The following DNAJC24 variants were observed in gnomAD, a reference collection of about 807,000 sequenced individuals.
DNAJC24 encodes the protein DnaJ heat shock protein family (Hsp40) member C24, also known as dnaJ homolog subfamily C member 24.
A neutral mutation model predicts 18.0 loss-of-function variants in DNAJC24; 17 were observed. The observed-to-expected ratio is 0.94, with a 90% CI of 0.65 to 1.42. DNAJC24 has a LOEUF of 1.42. Among genes scored for constraint, DNAJC24 ranks in the 40% most tolerant of loss-of-function variants. The pLI is 0.00. For synonymous variants in DNAJC24, 55 were observed against 57.7 expected (o/e 0.95, Z 0.21); for missense variants, 158 against 175.6 (o/e 0.90, Z 0.57).
At chr11:31,428,369 A>G (rs899369116) in intron 4 of DNAJC24, among the ~76,000 whole-genome samples, 1 of 152,220 alleles carries the variant, frequency 6.6e-6, no homozygotes, top group African/African-American at 2.4e-5. Context: ...CAAGAGCTAC[A>G]TGAAACCATT....
chr11:31,420,505 C>G (rs1443811272), intron 3 of DNAJC24, among the ~76,000 whole-genome samples: 2 of 152,048 alleles, frequency 1.3e-5, no homozygotes, highest in African/African-American at 4.8e-5. Context: ...AGGTATTTTT[C>G]TCCTACTAAT....
chr11:31,381,233 G>C (rs1300203369), intron 2 of DNAJC24, among the ~76,000 whole-genome samples: 2 of 151,964 alleles, frequency 1.3e-5, no homozygotes, highest in African/African-American at 4.8e-5. Flanking sequence ...TACTGGTTAA[G>C]GTTATTTGTG....
rs548013534 is a variant in DNAJC24, at chr11:31,374,923, G to GT, written c.111+4071dup. 6.0e-5 allele frequency among the ~76,000 whole-genome samples: 8 copies of GT among 134,300 alleles called. 2 individuals carry two copies. In the South Asian group the frequency reaches 1.0e-3, roughly 17 times the overall value. The allele number at this position is 134,300 out of a possible 152,430, so 88.1% of individuals were successfully genotyped here. A position where few individuals can be genotyped will look rare whatever the true frequency, so the allele number is the denominator to read the frequency against. ...TCTTTTCTCTCCTGTTCTTTTGCCT[G>GT]TTTTTTTCTCTTCTCTCCTGTTTGT... On this transcript the variant is annotated intron_variant, in intron 2 of 4. Coordinates refer to ENST00000465995, the MANE Select transcript of DNAJC24 (RefSeq NM_181706.5).
At chr11:31,382,709 G>A (rs1248286884) in intron 2 of DNAJC24, among the ~76,000 whole-genome samples, 2 of 152,160 alleles carry the variant, frequency 1.3e-5, no homozygotes, top group Non-Finnish European at 2.9e-5. Context: ...GTAGGATTGT[G>A]CATGGTTTTC....
chr11:31,430,497 C>A lies in DNAJC24; in HGVS notation c.*96C>A. On this transcript the variant is annotated 3_prime_UTR_variant, in exon 5 of 5. Coordinates refer to ENST00000465995, the MANE Select transcript of DNAJC24 (RefSeq NM_181706.5). ...TTCAAGGAAATGGATTATTTGTCAG[C>A]CCGATTATTTGCAAAGAAAATATAC... is the stretch of plus-strand genomic sequence containing the variant. The A allele has an allele frequency of 1.8e-6, 2 of 1,122,486 alleles. No individual in the cohort carries two copies. The highest frequency in any genetic ancestry group is 2.4e-6 in the Non-Finnish European group (2 of 830,958). 69.5% of individuals were successfully genotyped at this position (1,122,486 alleles called of 1,614,324 possible). A position where few individuals can be genotyped will look rare whatever the true frequency, so the allele number is the denominator to read the frequency against.
intron 2 of DNAJC24, chr11:31,407,692 A>T (rs1449582089): frequency 4.3e-5 from 5 of 116,464 alleles, no homozygotes; most frequent in African/African-American, 1.8e-4. Context: ...CTCAAAAAAA[A>T]AAAAAAAAAA....
intron 3 of DNAJC24, among the ~76,000 whole-genome samples, chr11:31,421,621 A>G (rs1431199337): frequency 6.6e-6 from 1 of 152,136 alleles, no homozygotes; most frequent in East Asian, 1.9e-4. Flanking sequence ...GCTGTTATTT[A>G]TTTTTTATTT....
chr11:31,392,714 T>G (rs987594520), intron 2 of DNAJC24, among the ~76,000 whole-genome samples: 4 of 150,100 alleles, frequency 2.7e-5, no homozygotes, highest in African/African-American at 9.8e-5. Context: ...ATTTTCTTTT[T>G]TTTTTTTTTT....
chr11:31,424,025 T>C (rs1282907287), intron 3 of DNAJC24, among the ~76,000 whole-genome samples: 4 of 152,160 alleles, frequency 2.6e-5, no homozygotes, highest in Non-Finnish European at 4.4e-5. Context: ...GGGTTGCACA[T>C]GAAATAGTAA....
intron 2 of DNAJC24, among the ~76,000 whole-genome samples, chr11:31,410,266 A>G (rs1253583764): frequency 6.6e-6 from 1 of 152,204 alleles, no homozygotes; most frequent in African/African-American, 2.4e-5. Context: ...CTAATAACTA[A>G]TAAAAAGTTT....
At chr11:31,429,735 TTG>T (rs1271875741) in intron 4 of DNAJC24, 8 of 172,716 alleles carry the variant, frequency 4.6e-5, no homozygotes, top group Non-Finnish European at 1.0e-4. Context: ...CAACATGGTG[TTG>T]TGTTTATAGA....
Position 31,425,522 on chromosome 11 carries a change from G to A in DNAJC24, c.251-765G>A, listed in dbSNP as rs1171097582. On this transcript the variant is annotated intron_variant, in intron 3 of 4. Transcript: ENST00000465995. ...CTGGTTGACTCGGTTTCTGATGAGGGCTCTTTTCCTGGCTTGCAGACAGCC... is the reference window on the plus strand; with the variant it reads ...CTGGTTGACTCGGTTTCTGATGAGGACTCTTTTCCTGGCTTGCAGACAGCC... Among the ~76,000 whole-genome samples the A allele has an allele frequency of 3.3e-5, 5 of 152,102 alleles. No homozygotes were observed. The East Asian group carries it at 7.7e-4, about 24-fold the overall frequency.
Position 31,430,307 on chromosome 11 carries a change from G to A in DNAJC24, c.356G>A (p.Gly119Glu), listed in dbSNP as rs1272093786. Residue 119 changes from glycine to glutamate, a missense_variant, in exon 5 of 5, where the codon GGA becomes GAA. Physicochemically the swap from Gly to Glu is moderately conservative, Grantham distance 98 (BLOSUM62 -2). Coordinates refer to ENST00000465995, the MANE Select transcript of DNAJC24 (RefSeq NM_181706.5). ...TTTTATCTGAGTTGCAGATGTGGTG[G>A]AAAATACAGTGTTTCCAAGGATGAA... ...HSFYLSCRCGGKYSVSKDEAE... is the reference protein window; with the variant it reads ...HSFYLSCRCGEKYSVSKDEAE... The A allele has an allele frequency of 1.2e-6, 2 of 1,610,798 alleles. No homozygotes were observed. Among genetic ancestry groups the A allele is most frequent in the Non-Finnish European group, 1.7e-6 (2 of 1,177,852 alleles).
intron 2 of DNAJC24, among the ~76,000 whole-genome samples, chr11:31,373,878 A>G (rs936678521): frequency 7.4e-6 from 1 of 135,068 alleles, no homozygotes; most frequent in African/African-American, 2.5e-5. Context: ...TTAAAAAATA[A>G]TTCATTTTTC....
chr11:31,415,999 A>C (rs947541812), intron 3 of DNAJC24: 2 of 152,202 alleles, frequency 1.3e-5, no homozygotes, highest in Non-Finnish European at 1.5e-5. Flanking sequence ...CAAGAAAATT[A>C]AGGTTTCTTA....
intron 2 of DNAJC24, among the ~76,000 whole-genome samples, chr11:31,388,370 A>G (rs757933608): frequency 6.6e-6 from 1 of 152,210 alleles, no homozygotes; most frequent in African/African-American, 2.4e-5. Flanking sequence ...AAGCAGCAAG[A>G]GAAAAGAATC....
chr11:31,398,380 A>G (rs1240714815), intron 2 of DNAJC24, among the ~76,000 whole-genome samples: 1 of 152,160 alleles, frequency 6.6e-6, no homozygotes, highest in Non-Finnish European at 1.5e-5. Context: ...TATATATGAG[A>G]ATGTTACATA....
chr11:31,424,970 G>GT (rs1172884429), intron 3 of DNAJC24, among the ~76,000 whole-genome samples: 1 of 151,188 alleles, frequency 6.6e-6, no homozygotes, highest in African/African-American at 2.4e-5. Flanking sequence ...GTTTTTTTTT[G>GT]TTTTTTTCTT....
chr11:31,406,619 A>G (rs572449078), intron 2 of DNAJC24, among the ~76,000 whole-genome samples: 25 of 152,284 alleles, frequency 1.6e-4, no homozygotes, highest in African/African-American at 5.1e-4. Flanking sequence ...TTCACTATGC[A>G]TTAGTTGGCC....
Sources: gnomAD v4.1 joint callset for allele counts (sites outside exome capture counted in the v4.1 genomes callset) on GRCh38, gnomAD v4.1.1 for gene constraint, MANE v1.5 for transcripts, NCBI Gene and HGNC (gene_info 2026-07-23, HGNC 2026-07-21) for gene names.